Variants in CCDC197 observed in about 807,000 individuals in gnomAD.
CCDC197 encodes the protein uncharacterized protein CCDC197.
Under a neutral mutation model 13.4 loss-of-function variants are expected in CCDC197, and 24 were observed. The ratio of observed to expected loss-of-function variants is 1.80; its 90% CI spans 1.30 to 2.53. CCDC197 has a LOEUF of 2.53. Among genes scored for constraint, CCDC197 ranks in the 30% most tolerant of loss-of-function variants. The probability of loss-of-function intolerance (pLI) is 0.00; values close to 1 mark genes in which losing one functional copy is unlikely to be tolerated. For missense variants in CCDC197, 255 were observed against 148.8 expected, an observed-to-expected ratio of 1.71 and a Z score of -3.71; for synonymous variants, 99 against 55.5, an observed-to-expected ratio of 1.78 and a Z score of -3.48.
chr14:94,001,420 G>A, intron 4 of CCDC197, 97 bp downstream of exon 4: 1 of 579,838 alleles, frequency 1.7e-6, no homozygotes, highest in Non-Finnish European at 3.1e-6. Context: ...GGCCTAGAGG[G>A]AGCAGCGGCG....
chr14:94,010,960 C>A (rs1890799084), downstream of CCDC197, among the ~76,000 whole-genome samples: 1 of 152,210 alleles, frequency 6.6e-6, no homozygotes, highest in Non-Finnish European at 1.5e-5. Flanking sequence ...TCCAGAGCTT[C>A]CAGGCCCTAG....
rs1051960900 is a variant in CCDC197 at position 94,003,438 on chromosome 14, C to G, written c.498+84C>G. The G allele has an allele frequency of 3.0e-6, 2 of 657,528 alleles. No individual in the cohort carries two copies. The highest frequency in any genetic ancestry group is 5.6e-6 in the Non-Finnish European group (2 of 358,262). 40.7% of individuals were successfully genotyped at this position (657,528 alleles called of 1,614,324 possible). On this transcript the variant is annotated intron_variant, in intron 5 of 6. Transcript: ENST00000636493. The surrounding 1 kb of genome is among the most constrained non-coding windows in gnomAD (Gnocchi z 5.0). The stretch of plus-strand genomic sequence containing the variant: ...TCTCCATCATCAATCCCAAAACACA[C>G]AGACACATACGCACGCAGACACACA...
intron 6 of CCDC197, among the ~76,000 whole-genome samples, chr14:94,006,653 G>A (rs1033109599): frequency 1.3e-5 from 2 of 150,688 alleles, no homozygotes; most frequent in South Asian, 2.1e-4. Context: ...CACTGTTCCC[G>A]GCCTATTTGT....
Position 94,003,890 on chromosome 14 carries a change from G to A in CCDC197, c.498+536G>A, listed in dbSNP as rs1595355556. Among the ~76,000 whole-genome samples the A allele has an allele frequency of 2.0e-5, 3 of 152,354 alleles. No homozygotes were observed. In the East Asian group the frequency reaches 5.8e-4, roughly 29 times the overall value. On this transcript the variant is annotated intron_variant, in intron 5 of 6. Transcript: ENST00000636493. This position sits in a 1 kb window ranked among gnomAD's most constrained non-coding sequence, Gnocchi z 5.0. ...CACCGGCCCAGTCCCAGGGCTTGGTGTTGTGCCGAGCTCTTAGTCCTTGTA... is the reference window on the plus strand; with the variant it reads ...CACCGGCCCAGTCCCAGGGCTTGGTATTGTGCCGAGCTCTTAGTCCTTGTA...
At position 93,998,110 on chromosome 14, in the gene CCDC197, C is replaced by T; in HGVS notation, c.-22C>T. 2 of 780,432 alleles carry T rather than the reference C, an allele frequency of 2.6e-6. No homozygotes were observed. The allele number at this position is 780,432 out of a possible 1,614,324, so 48.3% of individuals were successfully genotyped here. A position where few individuals can be genotyped will look rare whatever the true frequency, so the allele number is the denominator to read the frequency against. The stretch of plus-strand genomic sequence containing the variant: ...GACTCACGGGTCTCCTGTCCTCCTG[C>T]ATAGCTTGCGGTGGTGAGGTGATGG... On this transcript the variant is annotated 5_prime_UTR_variant, in exon 2 of 7. Transcript: ENST00000636493.
rs1209537321 is a variant in CCDC197, at chr14:94,002,869, AAAAT to A, written c.367-353_367-350del. On this transcript the variant is annotated intron_variant, in intron 4 of 6. Transcript: ENST00000636493. ...ACTGTCTCAAAAAAAAAAAAAAAACAAAATTATAAAGAAAAAGAGGTTTAATGGA... is the reference window on the plus strand; with the variant it reads ...ACTGTCTCAAAAAAAAAAAAAAAACATATAAAGAAAAAGAGGTTTAATGGA... Among the ~76,000 whole-genome samples the A allele has an allele frequency of 2.1e-3, 302 of 146,926 alleles. 1 individual carries two copies. The highest frequency in any genetic ancestry group is 7.6e-3 in the African/African-American group (284 of 37,470).
chr14:94,008,295 G>A (rs1376656604), intron 6 of CCDC197, among the ~76,000 whole-genome samples: 3 of 152,186 alleles, frequency 2.0e-5, no homozygotes, highest in African/African-American at 7.2e-5. Flanking sequence ...AGGGAGGCTG[G>A]GGACAGTCAG....
rs1376210973 is a variant in CCDC197, at chr14:94,004,890, C to T, written c.534C>T (p.Thr178=). The part of the protein sequence containing the change: ...QLLGYMQMTI[T]NMARQCCPSA... ...TCGGCTACATGCAAATGACCATCAC[C>T]AACATGGCCCGGCAGTGCTGCCCCT... is the stretch of plus-strand genomic sequence containing the variant. Residue 178 remains threonine, a synonymous_variant, in exon 6 of 7, where the codon ACC becomes ACT. Transcript: ENST00000636493. The T allele has an allele frequency of 2.1e-5, 15 of 702,938 alleles. No homozygotes were observed. The highest frequency in any genetic ancestry group is 7.0e-5 in the African/African-American group (4 of 57,270). The allele number at this position is 702,938 out of a possible 1,614,324, so 43.5% of individuals were successfully genotyped here.
chr14:93,999,073 G>A (rs1418940155), intron 2 of CCDC197, among the ~76,000 whole-genome samples: 4 of 152,222 alleles, frequency 2.6e-5, no homozygotes, highest in East Asian at 1.9e-4. Flanking sequence ...GCACGTGGCC[G>A]CCTCCCCTCT....
At chr14:94,006,651 C>T (rs1595357431) in intron 6 of CCDC197, among the ~76,000 whole-genome samples, 2 of 150,962 alleles carry the variant, frequency 1.3e-5, no homozygotes, top group South Asian at 4.2e-4. Flanking sequence ...GCCACTGTTC[C>T]CGGCCTATTT....
At chr14:93,990,655 G>T (rs188600440) in intron 1 of CCDC197, among the ~76,000 whole-genome samples, 13 of 152,310 alleles carry the variant, frequency 8.5e-5, no homozygotes, top group Admixed American at 2.0e-4. Flanking sequence ...CTGTGAGGGG[G>T]CAGCTCTGAC....
upstream of CCDC197, among the ~76,000 whole-genome samples, chr14:93,996,279 C>T (rs574259800): frequency 6.7e-6 from 1 of 148,808 alleles, no homozygotes; most frequent in Non-Finnish European, 1.5e-5. Context: ...AGCACATAAG[C>T]GAGGGGCTCT....
At chr14:93,989,705 T>C (rs1022394745) in intron 1 of CCDC197, among the ~76,000 whole-genome samples, 1 of 152,038 alleles carries the variant, frequency 6.6e-6, no homozygotes, top group Non-Finnish European at 1.5e-5. Flanking sequence ...TCTTAGTGAG[T>C]CTTGTAGGTC....
At chr14:94,001,429 C>T (rs1890504184) in intron 4 of CCDC197, 106 bp downstream of exon 4, 2 of 564,962 alleles carry the variant, frequency 3.5e-6, no homozygotes, top group Non-Finnish European at 6.3e-6. Context: ...GGAGCAGCGG[C>T]GTAATGCTGG....
intron 1 of CCDC197, chr14:93,987,401 C>G (rs1890116095): frequency 6.6e-6 from 1 of 152,370 alleles, no homozygotes; most frequent in African/African-American, 2.4e-5. Flanking sequence ...AAGCAGGTGA[C>G]TGCATTTTGC....
intron 6 of CCDC197, among the ~76,000 whole-genome samples, chr14:94,008,310 G>T (rs941126649): frequency 6.6e-6 from 1 of 152,164 alleles, no homozygotes; most frequent in Non-Finnish European, 1.5e-5. Flanking sequence ...AGTCAGGGTG[G>T]GCTTCTTGGA....
intron 3 of CCDC197, among the ~76,000 whole-genome samples, chr14:94,000,522 G>A (rs1352456858): frequency 6.6e-6 from 1 of 152,168 alleles, no homozygotes; most frequent in Non-Finnish European, 1.5e-5. Flanking sequence ...ATGACCCTCA[G>A]GCAGAGGGAG....
At chr14:93,996,686 G>C (rs1890322140), upstream of CCDC197, among the ~76,000 whole-genome samples, 2 of 152,112 alleles carry the variant, frequency 1.3e-5, no homozygotes, top group South Asian at 4.1e-4. Context: ...AGGTTGCCCA[G>C]CTCTGAGCCA....
At chr14:93,996,832 C>A (rs1440620004), upstream of CCDC197, among the ~76,000 whole-genome samples, 2 of 152,242 alleles carry the variant, frequency 1.3e-5, no homozygotes, top group Non-Finnish European at 2.9e-5. Flanking sequence ...GTGGCTCCAA[C>A]AGGAGGTTCA....
Sources: allele counts gnomAD v4.1 joint callset (sites outside exome capture counted in the v4.1 genomes callset), GRCh38; gene constraint gnomAD v4.1.1; non-coding constraint Gnocchi (gnomAD v3.1); transcripts MANE v1.5; gene names NCBI Gene and HGNC (gene_info 2026-07-23, HGNC 2026-07-21).